Variants in DRC1 observed in about 807,000 individuals in gnomAD.
DRC1 encodes dynein regulatory complex protein 1.
A neutral mutation model predicts 98.7 loss-of-function variants in DRC1; 74 were observed. The ratio of observed to expected loss-of-function variants is 0.75; its 90% confidence interval spans 0.62 to 0.91. The LOEUF (loss-of-function observed/expected upper bound fraction) is 0.91. Ranked by LOEUF, DRC1 falls within the 40% of genes least tolerant of loss-of-function variation. DRC1 has a pLI of 0.00. For missense variants in DRC1, 875 were observed against 886.0 expected (o/e 0.99, Z 0.16); for synonymous variants, 336 against 334.1 (o/e 1.01, Z -0.06).
intron 7 of DRC1, among the ~76,000 whole-genome samples, chr2:26,438,933 C>A (rs1454334898): frequency 1.3e-5 from 2 of 152,156 alleles, no homozygotes; most frequent in Non-Finnish European, 2.9e-5. Flanking sequence ...CAGCCTCCAG[C>A]CTTGCCTCTC....
At chr2:26,420,678 C>T (rs1044647018) in intron 2 of DRC1, among the ~76,000 whole-genome samples, 2 of 151,972 alleles carry the variant, frequency 1.3e-5, no homozygotes, top group African/African-American at 4.8e-5. Context: ...TCTAGCCAAA[C>T]GCAGTGGCTT....
chr2:26,437,613 G>A (rs1193668339), intron 7 of DRC1, among the ~76,000 whole-genome samples: 1 of 151,996 alleles, frequency 6.6e-6, no homozygotes, highest in Non-Finnish European at 1.5e-5. Flanking sequence ...TCACTTCTAC[G>A]AATCTACCAT....
rs1418889311 is a variant in DRC1 at position 26,446,388 on chromosome 2, G to A, written c.1396+1440G>A. 2.6e-5 allele frequency among the ~76,000 whole-genome samples: 4 copies of A among 152,172 alleles called. No individual in the cohort carries two copies. In the East Asian group the frequency reaches 7.7e-4, roughly 29 times the overall value. On this transcript the variant is annotated intron_variant, in intron 10 of 16. Transcript: ENST00000288710. ...GGCTTGTGTCACCATGCATGCCCAG[G>A]GAATGGTATTTAGAAACCACGCTGT...
At chr2:26,426,417 A>G (rs1199857787) in intron 4 of DRC1, among the ~76,000 whole-genome samples, 3 of 147,580 alleles carry the variant, frequency 2.0e-5, no homozygotes, top group Admixed American at 6.8e-5. Flanking sequence ...CCCAGGCTGG[A>G]GTGCAGTGGT....
intron 7 of DRC1, among the ~76,000 whole-genome samples, chr2:26,436,746 A>G (rs1663582877): frequency 6.6e-6 from 1 of 152,218 alleles, no homozygotes; most frequent in South Asian, 2.1e-4. Flanking sequence ...CCTATGGCCA[A>G]ATAAGTCTGG....
In DRC1 at chr2:26,439,231, G is replaced by A. The variant is rs76672209; in HGVS notation, c.889-1147G>A. 8.3e-3 allele frequency among the ~76,000 whole-genome samples: 1,267 copies of A among 152,006 alleles called. 25 individuals are homozygous for A. Among genetic ancestry groups the A allele is most frequent in the South Asian group, 0.078 (377 of 4,808 alleles). On this transcript the variant is annotated intron_variant, in intron 7 of 16. Transcript: ENST00000288710. ...CGCTCTCCCTTCAGGTGGCACCTGC[G>A]TAACTCCAGCACATTCTCTAGGTCT... is the stretch of plus-strand genomic sequence containing the variant.
chr2:26,447,503 T>G (rs773765673), intron 10 of DRC1, among the ~76,000 whole-genome samples: 1 of 152,206 alleles, frequency 6.6e-6, no homozygotes, highest in Non-Finnish European at 1.5e-5. Context: ...GGTATTTTTG[T>G]TTCGTTTTGC....
In DRC1 at chr2:26,456,690, T is replaced by C. The variant is rs904674396; in HGVS notation, c.*173T>C. 1.5e-6 allele frequency: 1 copy of C among 685,346 alleles called. No homozygotes were observed. Among genetic ancestry groups the C allele is most frequent in the South Asian group, 2.1e-5 (1 of 47,896 alleles). 42.5% of individuals were successfully genotyped at this position (685,346 alleles called of 1,614,324 possible). ...GAGGAGTTACCTGTGTCCTGCATTA[T>C]GATTAAAGCCTTTTAAAGTTGTGGC... On this transcript the variant is annotated 3_prime_UTR_variant, in exon 17 of 17. Coordinates refer to ENST00000288710, the MANE Select transcript of DRC1 (RefSeq NM_145038.5).
chr2:26,438,528 T>C (rs1663632510), intron 7 of DRC1, among the ~76,000 whole-genome samples: 1 of 152,188 alleles, frequency 6.6e-6, no homozygotes, highest in Admixed American at 6.5e-5. Context: ...TATTACAGGC[T>C]TCTGTTCTGA....
intron 14 of DRC1, among the ~76,000 whole-genome samples, chr2:26,453,865 T>C (rs1039187748): frequency 6.6e-6 from 1 of 152,190 alleles, no homozygotes; most frequent in Non-Finnish European, 1.5e-5. Context: ...AGGTGCACCA[T>C]TGTTCAGAGG....
intron 3 of DRC1, 84 bp from the exon 4 acceptor site, chr2:26,424,187 T>C: frequency 6.5e-7 from 1 of 1,529,590 alleles, no homozygotes; most frequent in Non-Finnish European, 8.9e-7. Context: ...TCTTATATTC[T>C]AGAGATTCTA....
In DRC1 at chr2:26,439,972, T is replaced by C. The variant is rs55833748; in HGVS notation, c.889-406T>C. 5.4e-3 allele frequency among the ~76,000 whole-genome samples: 440 copies of C among 80,918 alleles called. 4 individuals carry two copies. Among genetic ancestry groups the C allele is most frequent in the African/African-American group, 0.018 (410 of 22,240 alleles). 53.1% of individuals were successfully genotyped at this position (80,918 alleles called of 152,430 possible). The stretch of plus-strand genomic sequence containing the variant: ...ATACACACACACACACATATATATA[T>C]ACACACATATATATATTTGTGTTTC... On this transcript the variant is annotated intron_variant, in intron 7 of 16. Transcript: ENST00000288710.
At chr2:26,445,452 A>G (rs1485055128) in intron 10 of DRC1, among the ~76,000 whole-genome samples, 2 of 152,230 alleles carry the variant, frequency 1.3e-5, no homozygotes, top group East Asian at 1.9e-4. Context: ...AGTTTTCAAA[A>G]TAATGGGTTG....
At position 26,431,245 on chromosome 2, in the gene DRC1, C is replaced by T. The variant is rs969699377; in HGVS notation, c.765+373C>T. 2.6e-4 allele frequency among the ~76,000 whole-genome samples: 40 copies of T among 152,148 alleles called. 1 individual carries two copies. The highest frequency in any genetic ancestry group is 2.5e-4 in the Non-Finnish European group (17 of 68,016). ...CTGGGATTACAGGCGTGAGCCTCCG[C>T]GCCCGGCCGCCTTTTTGTATCTTAA... On this transcript the variant is annotated intron_variant, in intron 6 of 16. Coordinates refer to ENST00000288710, the MANE Select transcript of DRC1 (RefSeq NM_145038.5).
intron 11 of DRC1, among the ~76,000 whole-genome samples, chr2:26,449,065 G>A (rs1269668422): frequency 6.6e-6 from 1 of 152,264 alleles, no homozygotes. Context: ...CCAGCTGGAG[G>A]GCTCCTGCCA....
At chr2:26,410,478 G>C (rs1558433809) in intron 1 of DRC1, among the ~76,000 whole-genome samples, 1 of 151,904 alleles carries the variant, frequency 6.6e-6, no homozygotes, top group East Asian at 1.9e-4. Flanking sequence ...CACCATGTTG[G>C]CCAGGCTGGT....
At chr2:26,429,894 A>G in intron 5 of DRC1, 129 bp downstream of exon 5, 1 of 1,013,726 alleles carries the variant, frequency 9.9e-7, no homozygotes, top group Non-Finnish European at 1.4e-6. Flanking sequence ...TTCTGCTCTC[A>G]GGTTTTATTA....
intron 1 of DRC1, among the ~76,000 whole-genome samples, chr2:26,411,047 G>A (rs1042782614): frequency 9.9e-5 from 15 of 152,192 alleles, no homozygotes; most frequent in African/African-American, 3.6e-4. Flanking sequence ...TCAGGAAGTA[G>A]AGTATTCAAG....
At chr2:26,424,001 C>T (rs965092579) in intron 3 of DRC1, among the ~76,000 whole-genome samples, 25 of 151,968 alleles carry the variant, frequency 1.6e-4, no homozygotes, top group Non-Finnish European at 2.9e-4. Context: ...GGTGTGTGTG[C>T]GTGTGCACGC....
Sources: gnomAD v4.1 joint callset for allele counts (sites outside exome capture counted in the v4.1 genomes callset) on GRCh38, gnomAD v4.1.1 for gene constraint, MANE v1.5 for transcripts, NCBI Gene and HGNC (gene_info 2026-07-23, HGNC 2026-07-21) for gene names.